Variants in ZNF695 observed in about 807,000 individuals in gnomAD.
ZNF695 encodes the protein zinc finger protein 695, also known as zinc finger protein SBZF3.
Under a neutral mutation model 11.2 loss-of-function variants are expected in ZNF695, and 11 were observed. That is an observed-to-expected ratio of 0.98 (90% CI 0.62 to 1.62). ZNF695 has a LOEUF of 1.62. ZNF695 is among the 40% of genes most tolerant of loss of function. The probability of loss-of-function intolerance (pLI) is 0.00; values close to 1 mark genes in which losing one functional copy is unlikely to be tolerated. For synonymous variants in ZNF695, 190 were observed against 201.4 expected (o/e 0.94, Z 0.48); for missense variants, 559 against 590.5 (o/e 0.95, Z 0.55).
intron 5 of ZNF695, among the ~76,000 whole-genome samples, chr1:246,955,047 G>C (rs1667953508): frequency 6.6e-6 from 1 of 152,220 alleles, no homozygotes; most frequent in East Asian, 1.9e-4. Flanking sequence ...TTGAATCATA[G>C]GGGGAGTTTT....
chr1:246,964,765 G>A (rs1668244450), intron 5 of ZNF695, among the ~76,000 whole-genome samples: 1 of 152,170 alleles, frequency 6.6e-6, no homozygotes, highest in South Asian at 2.1e-4. Context: ...CAGCTACTCA[G>A]GAAGCTGAGG....
At chr1:246,962,840 C>T (rs1572509221) in intron 5 of ZNF695, among the ~76,000 whole-genome samples, 1 of 152,172 alleles carries the variant, frequency 6.6e-6, no homozygotes, top group East Asian at 1.9e-4. Flanking sequence ...CTACAGGCAC[C>T]CGCCACCACG....
downstream of ZNF695, among the ~76,000 whole-genome samples, chr1:246,984,152 CA>C (rs11321674): frequency 0.29 from 26,383 of 90,996 alleles, 3,063 homozygotes; most frequent in African/African-American, 0.5. Context: ...ACCATGTCTC[CA>C]AAAAAAAAAA....
chr1:246,947,492 C>A (rs1667768124), intron 5 of ZNF695, among the ~76,000 whole-genome samples: 1 of 152,168 alleles, frequency 6.6e-6, no homozygotes, highest in African/African-American at 2.4e-5. Context: ...GGGTCTCCGA[C>A]TTCCTTTCCC....
At chr1:246,946,131 C>CTAAATG (rs1279522027) in intron 5 of ZNF695, among the ~76,000 whole-genome samples, 1 of 152,118 alleles carries the variant, frequency 6.6e-6, no homozygotes, top group Admixed American at 6.6e-5. Flanking sequence ...AAAATGCTCC[C>CTAAATG]CGTGCCACAC....
chr1:247,007,880 C>T (rs1477321354), intron 1 of ZNF695, 26 bp downstream of exon 1: 2 of 1,543,802 alleles, frequency 1.3e-6, no homozygotes, highest in Non-Finnish European at 1.8e-6. Context: ...TCTCCCTTCT[C>T]GGGACACCCT....
Position 246,959,313 on chromosome 1 carries a change from ATATATATATATATATAT to A in ZNF695, c.488+8365_488+8381del, listed in dbSNP as rs1558304495. Among the ~76,000 whole-genome samples, 371 of 39,446 alleles carry A rather than the reference ATATATATATATATATAT, an allele frequency of 9.4e-3. 6 individuals carry two copies. The highest frequency in any genetic ancestry group is 0.012 in the African/African-American group (107 of 8,626). 25.9% of individuals were successfully genotyped at this position (39,446 alleles called of 152,430 possible). A position where few individuals can be genotyped will look rare whatever the true frequency, so the allele number is the denominator to read the frequency against. On this transcript the variant is annotated intron_variant, in intron 5 of 5. Transcript: ENST00000487338. ...AAAAAAAAAAAAAAAAAAAAAAAAT[ATATATATATATATATAT>A]ATATATATATATATATATATAAAAT...
rs1348631618 is a variant in ZNF695 at position 246,985,633 on chromosome 1, T to C, written c.*1334A>G. 5 of 985,260 alleles carry C rather than the reference T, an allele frequency of 5.1e-6. No homozygotes were observed. In the African/African-American group the frequency reaches 7.0e-5, roughly 14 times the overall value. 61.0% of individuals were successfully genotyped at this position (985,260 alleles called of 1,614,324 possible). On this transcript the variant is annotated 3_prime_UTR_variant, in exon 4 of 4. Coordinates refer to ENST00000339986, the MANE Select transcript of ZNF695 (RefSeq NM_020394.5). ...AATGTCTTATTAAAACAAATTAAGTTCAAACAGTCTAAAAAGAGCATTTCA... is the reference window on the plus strand; with the variant it reads ...AATGTCTTATTAAAACAAATTAAGTCCAAACAGTCTAAAAAGAGCATTTCA...
chr1:246,998,073 T>C (rs1003775622), intron 3 of ZNF695, among the ~76,000 whole-genome samples: 2 of 152,234 alleles, frequency 1.3e-5, no homozygotes, highest in Non-Finnish European at 2.9e-5. Flanking sequence ...AAGTGACAGA[T>C]GTGTTCATTA....
At chr1:247,004,096 C>T (rs1669468391) in intron 1 of ZNF695, among the ~76,000 whole-genome samples, 1 of 152,166 alleles carries the variant, frequency 6.6e-6, no homozygotes, top group South Asian at 2.1e-4. Flanking sequence ...TCTGTAATCC[C>T]AGCTACTCGG....
At chr1:246,985,023 C>T (rs1004277861), downstream of ZNF695, among the ~76,000 whole-genome samples, 4 of 152,096 alleles carry the variant, frequency 2.6e-5, no homozygotes, top group African/African-American at 4.8e-5. Flanking sequence ...GATTTGCCTT[C>T]GACATTTTTG....
intron 4 of ZNF695, among the ~76,000 whole-genome samples, chr1:246,973,663 G>T (rs1668485203): frequency 6.6e-6 from 1 of 152,186 alleles, no homozygotes; most frequent in Non-Finnish European, 1.5e-5. Flanking sequence ...CAGGCATTTT[G>T]CCCAGATTCG....
In ZNF695 at chr1:246,959,617, G is replaced by C. The variant is rs138649660; in HGVS notation, c.488+8078C>G. Among the ~76,000 whole-genome samples, 1,353 of 151,722 alleles carry C rather than the reference G, an allele frequency of 8.9e-3. 21 individuals carry two copies. Among genetic ancestry groups the C allele is most frequent in the African/African-American group, 0.031 (1,264 of 41,328 alleles). On this transcript the variant is annotated intron_variant, in intron 5 of 5. Coordinates refer to the ZNF695 transcript ENST00000487338. ...AATTTTTGTATTTTTAGTAGAGATGGGGGTTTCACTATCTTGGCCAGGCTG... is the reference window on the plus strand; with the variant it reads ...AATTTTTGTATTTTTAGTAGAGATGCGGGTTTCACTATCTTGGCCAGGCTG...
chr1:247,002,123 T>A (rs1368265412), intron 1 of ZNF695, among the ~76,000 whole-genome samples: 1 of 152,084 alleles, frequency 6.6e-6, no homozygotes, highest in East Asian at 1.9e-4. Context: ...AAAAAACTGT[T>A]ATCACACCAA....
chr1:246,985,977 G>A lies in ZNF695; in HGVS notation c.*990C>T. The A allele has an allele frequency of 2.0e-6, 2 of 985,158 alleles. No homozygotes were observed. Among genetic ancestry groups the A allele is most frequent in the Non-Finnish European group, 2.4e-6 (2 of 829,806 alleles). The allele number at this position is 985,158 out of a possible 1,614,324, so 61.0% of individuals were successfully genotyped here. A position where few individuals can be genotyped will look rare whatever the true frequency, so the allele number is the denominator to read the frequency against. ...ACATAAACACTAGAAATGAAGGCAT[G>A]GTATCAAGTGATTTAAGACTTGAAT... On this transcript the variant is annotated 3_prime_UTR_variant, in exon 4 of 4. Coordinates refer to ENST00000339986, the MANE Select transcript of ZNF695 (RefSeq NM_020394.5).
chr1:246,977,521 GA>G (rs1249027424), intron 4 of ZNF695, among the ~76,000 whole-genome samples: 2 of 152,200 alleles, frequency 1.3e-5, no homozygotes, highest in Non-Finnish European at 2.9e-5. Context: ...AAAAGTGCTG[GA>G]ATTACAGGCA....
intron 4 of ZNF695, among the ~76,000 whole-genome samples, chr1:246,970,790 G>A (rs986235443): frequency 2.0e-5 from 3 of 152,168 alleles, no homozygotes; most frequent in African/African-American, 7.2e-5. Flanking sequence ...GTTTTGAGAC[G>A]AAGTCTCGCT....
At chr1:247,001,685 C>G (rs1303475069) in intron 1 of ZNF695, among the ~76,000 whole-genome samples, 1 of 130,066 alleles carries the variant, frequency 7.7e-6, no homozygotes, top group African/African-American at 2.9e-5. Context: ...TGCACTCCAG[C>G]CTGGGCAACA....
Position 247,000,237 on chromosome 1 carries a change from C to T in ZNF695, c.4-163G>A, listed in dbSNP as rs566855264. Among the ~76,000 whole-genome samples, 9 of 152,264 alleles carry T rather than the reference C, an allele frequency of 5.9e-5. No homozygotes were observed. In the South Asian group the frequency reaches 1.4e-3, roughly 25 times the overall value. ...GAAATATACTCTAGGCCGGGCGCGG[C>T]GGCTCACACCTGTAATCCCAACACT... On this transcript the variant is annotated intron_variant, in intron 1 of 3. Coordinates refer to ENST00000339986, the MANE Select transcript of ZNF695 (RefSeq NM_020394.5).
Sources: allele counts gnomAD v4.1 joint callset (sites outside exome capture counted in the v4.1 genomes callset), GRCh38; gene constraint gnomAD v4.1.1; transcripts MANE v1.5; gene names NCBI Gene and HGNC (gene_info 2026-07-23, HGNC 2026-07-21).